DCAF1: variants seen among roughly 807,000 people sequenced by gnomAD.
The protein encoded by DCAF1 is DDB1- and CUL4-associated factor 1.
Under a neutral mutation model 128.0 loss-of-function variants are expected in DCAF1, and 15 were observed. The observed-to-expected ratio is 0.12, with a 90% confidence interval of 0.08 to 0.18. The LOEUF is 0.18. Ranked by LOEUF, DCAF1 falls within the 10% of genes least tolerant of loss-of-function variation. The pLI is 1.00. For synonymous variants in DCAF1, 610 were observed against 603.0 expected (o/e 1.01, Z -0.17); for missense variants, 988 against 1,649.5 (o/e 0.60, Z 6.95).
chr3:51,420,308 T>C lies in DCAF1; in HGVS notation c.2662A>G (p.Thr888Ala). 6.2e-7 allele frequency: 1 copy of C among 1,613,876 alleles called. No individual in the cohort carries two copies. The highest frequency in any genetic ancestry group is 2.2e-5 in the East Asian group (1 of 44,874). ...GGAGAAGCAGCAGCAGTGACTGGGGTAAAGGCAGAAGAATGGGAGGCAGCA... is the reference window on the plus strand; with the variant it reads ...GGAGAAGCAGCAGCAGTGACTGGGGCAAAGGCAGAAGAATGGGAGGCAGCA... ...MTAASHSSAF[T>A]PVTAAASPVS... is the part of the protein sequence containing the mutation. Residue 888 changes from threonine to alanine, a missense_variant, in exon 15 of 25, where the codon ACC (threonine) becomes GCC (alanine). By Grantham distance (58) the Thr-to-Ala change is moderately conservative. Around this residue, in one of 11 missense-constraint regions of DCAF1, gnomAD observed 88 missense variants for 107.7 expected, o/e 0.82. Transcript: ENST00000684031. The surrounding 1 kb of genome is among the most constrained non-coding windows in gnomAD (Gnocchi z 6.5).
chr3:51,475,560 A>T (rs1559557559), intron 3 of DCAF1, among the ~76,000 whole-genome samples: 1 of 152,156 alleles, frequency 6.6e-6, no homozygotes. Context: ...GTAAGCTATG[A>T]TAAAACTGCT....
intron 7 of DCAF1, among the ~76,000 whole-genome samples, chr3:51,443,096 G>A (rs543844937): frequency 4.2e-4 from 63 of 150,912 alleles, no homozygotes; most frequent in Middle Eastern, 3.4e-3. Flanking sequence ...GGGGGGGAGG[G>A]AAAAAAAAGG....
intron 6 of DCAF1, 109 bp from the exon 7 acceptor site, chr3:51,444,012 G>T: frequency 3.8e-6 from 4 of 1,065,618 alleles, no homozygotes; most frequent in Non-Finnish European, 5.2e-6. Context: ...TTCAATGTTC[G>T]TAAGAGTAAA....
At chr3:51,499,072 A>G (rs1270020810) in intron 1 of DCAF1, among the ~76,000 whole-genome samples, 2 of 152,236 alleles carry the variant, frequency 1.3e-5, no homozygotes, top group Non-Finnish European at 2.9e-5. Flanking sequence ...AGCTAAATAC[A>G]AACACTCCAA....
At chr3:51,427,087 C>T (rs1699970800) in intron 13 of DCAF1, among the ~76,000 whole-genome samples, 1 of 152,178 alleles carries the variant, frequency 6.6e-6, no homozygotes, top group South Asian at 2.1e-4. Flanking sequence ...GACTTTAACC[C>T]CAGCTCTGCA....
intron 2 of DCAF1, among the ~76,000 whole-genome samples, chr3:51,495,808 C>T (rs1438504869): frequency 2.0e-5 from 3 of 152,014 alleles, no homozygotes; most frequent in Non-Finnish European, 4.4e-5. Flanking sequence ...TTTTGTGAGA[C>T]GGAATCTCGC....
intron 3 of DCAF1, among the ~76,000 whole-genome samples, chr3:51,472,256 G>T (rs1365218473): frequency 1.3e-5 from 2 of 152,012 alleles, no homozygotes; most frequent in African/African-American, 4.8e-5. Flanking sequence ...CCTGTTTCAG[G>T]GTTACAGTGC....
At chr3:51,455,681 G>A (rs1470829907) in intron 6 of DCAF1, among the ~76,000 whole-genome samples, 3 of 151,840 alleles carry the variant, frequency 2.0e-5, no homozygotes, top group African/African-American at 7.3e-5. Context: ...GGCAGATCAC[G>A]AGGTCAGGAG....
At chr3:51,424,385 A>G (rs1436725755) in intron 13 of DCAF1, among the ~76,000 whole-genome samples, 2 of 151,744 alleles carry the variant, frequency 1.3e-5, no homozygotes, top group African/African-American at 2.4e-5. Flanking sequence ...CCTGGGTGAC[A>G]GAGCAAGACT....
intron 7 of DCAF1, 52 bp downstream of exon 7, chr3:51,443,714 C>T: frequency 6.7e-7 from 1 of 1,499,970 alleles, no homozygotes; most frequent in African/African-American, 1.4e-5. Flanking sequence ...TAACAAGAAC[C>T]TGTGAATACT....
At chr3:51,437,531 G>A (rs1700963088) in intron 9 of DCAF1, 1 of 351,748 alleles carries the variant, frequency 2.8e-6, no homozygotes, top group Non-Finnish European at 5.7e-6. Flanking sequence ...ATGTATAACA[G>A]GGGGCTGGGC....
intron 1 of DCAF1, among the ~76,000 whole-genome samples, chr3:51,497,658 G>C (rs555275629): frequency 2.0e-5 from 3 of 152,160 alleles, no homozygotes; most frequent in Non-Finnish European, 4.4e-5. Flanking sequence ...CAGCAATTTG[G>C]GAAGCCAAGT....
intron 9 of DCAF1, among the ~76,000 whole-genome samples, chr3:51,436,927 G>A (rs1700880882): frequency 6.6e-6 from 1 of 152,160 alleles, no homozygotes; most frequent in African/African-American, 2.4e-5. Context: ...ATAAAGGTAT[G>A]TATAGAGAAA....
rs1704541483 is a variant in DCAF1 at position 51,469,840 on chromosome 3, G to A, written c.187+1089C>T. On this transcript the variant is annotated intron_variant, in intron 4 of 24. Transcript: ENST00000684031. ...GTTCAAGACCAGCTTGGCCAACATG[G>A]TGAAACCCCTTCTCTATTAAAAGTG... Among the ~76,000 whole-genome samples, 9 of 152,002 alleles carry A rather than the reference G, an allele frequency of 5.9e-5. 1 individual carries two copies. The South Asian group carries it at 1.9e-3, about 32-fold the overall frequency.
chr3:51,500,116 G>GGAAAAA (rs1559596329), upstream of DCAF1: 3 of 27,836 alleles, frequency 1.1e-4, 1 homozygote, highest in African/African-American at 4.6e-4. Flanking sequence ...CACGATCGGG[G>GGAAAAA]AAAAAAAAAA....
At chr3:51,440,072 T>C (rs1158790146) in intron 9 of DCAF1, 2 of 438,980 alleles carry the variant, frequency 4.6e-6, no homozygotes, top group Non-Finnish European at 8.9e-6. Flanking sequence ...CACTATTTCA[T>C]AGTTTTTCCT....
At chr3:51,502,050 A>G (rs1708832362), upstream of DCAF1, among the ~76,000 whole-genome samples, 1 of 152,184 alleles carries the variant, frequency 6.6e-6, no homozygotes, top group Non-Finnish European at 1.5e-5. Context: ...TCCCTGGGCC[A>G]TGAACCTAAA....
intron 14 of DCAF1, among the ~76,000 whole-genome samples, 175 bp downstream of exon 14, chr3:51,422,132 A>T (rs868978588): frequency 4.6e-5 from 7 of 151,216 alleles, no homozygotes; most frequent in Non-Finnish European, 7.4e-5. Flanking sequence ...TTTTTTTTTT[A>T]AATTAGTTCC....
intron 10 of DCAF1, 84 bp downstream of exon 10, chr3:51,433,022 C>A: frequency 5.0e-6 from 2 of 397,134 alleles, no homozygotes; most frequent in South Asian, 1.4e-4. Flanking sequence ...TTTTCTTATC[C>A]AAAAGTCATT....
Sources: gnomAD v4.1 joint callset for allele counts (sites outside exome capture counted in the v4.1 genomes callset) on GRCh38, gnomAD v4.1.1 for gene constraint, gnomAD v4.1.1 regional missense constraint, Gnocchi (gnomAD v3.1) non-coding constraint, MANE v1.5 for transcripts, NCBI Gene and HGNC (gene_info 2026-07-23, HGNC 2026-07-21) for gene names.